CACNG3: variants seen among roughly 807,000 people sequenced by gnomAD.
CACNG3 encodes the protein calcium voltage-gated channel auxiliary subunit gamma 3, also known as voltage-dependent calcium channel gamma-3 subunit.
A neutral mutation model predicts 28.5 loss-of-function variants in CACNG3; 3 were observed. The observed-to-expected ratio is 0.11, with a 90% confidence interval of 0.05 to 0.27. The LOEUF (loss-of-function observed/expected upper bound fraction) is 0.27. Ranked by LOEUF, CACNG3 falls within the 10% of genes least tolerant of loss-of-function variation. CACNG3 has a pLI of 1.00. For synonymous variants in CACNG3, 174 were observed against 162.2 expected (o/e 1.07, Z -0.55); for missense variants, 236 against 414.4 (o/e 0.57, Z 3.74).
chr16:24,334,983 G>T (rs1240624273), intron 1 of CACNG3, among the ~76,000 whole-genome samples: 1 of 152,174 alleles, frequency 6.6e-6, no homozygotes, highest in South Asian at 2.1e-4. Context: ...CCAAAATAGA[G>T]ATAATGATAT....
chr16:24,284,378 CT>C (rs1292783366), intron 1 of CACNG3, among the ~76,000 whole-genome samples: 2 of 152,144 alleles, frequency 1.3e-5, no homozygotes, highest in Admixed American at 6.5e-5. Flanking sequence ...TCTCTCACAT[CT>C]TATTTGCCTA....
intron 1 of CACNG3, among the ~76,000 whole-genome samples, chr16:24,269,746 C>CAAAAAAAAAAAAA (rs1163565728): frequency 2.1e-4 from 15 of 71,058 alleles, no homozygotes; most frequent in Non-Finnish European, 3.4e-4. Flanking sequence ...GACTCCATCT[C>CAAAAAAAAAAAAA]AAAAAAAAAA....
chr16:24,262,759 A>G (rs192539864), intron 1 of CACNG3, among the ~76,000 whole-genome samples: 1 of 152,288 alleles, frequency 6.6e-6, no homozygotes, highest in African/African-American at 2.4e-5. Context: ...CCAATCTTCT[A>G]CCTGACTGTG....
chr16:24,314,506 G>C (rs1381073669), intron 1 of CACNG3, among the ~76,000 whole-genome samples: 1 of 152,156 alleles, frequency 6.6e-6, no homozygotes, highest in African/African-American at 2.4e-5. Flanking sequence ...AGGAAGCCTT[G>C]TGCTCGTGGA....
intron 1 of CACNG3, among the ~76,000 whole-genome samples, chr16:24,326,363 G>A (rs1454790860): frequency 6.6e-6 from 1 of 151,952 alleles, no homozygotes; most frequent in Admixed American, 6.6e-5. Flanking sequence ...TAGAGACAGG[G>A]TTTCTCCATG....
At chr16:24,272,706 A>T (rs1898706318) in intron 1 of CACNG3, among the ~76,000 whole-genome samples, 1 of 152,094 alleles carries the variant, frequency 6.6e-6, no homozygotes, top group African/African-American at 2.4e-5. Flanking sequence ...AATTGAATTT[A>T]TTAGATTTTT....
chr16:24,292,174 G>A (rs1452829448), intron 1 of CACNG3, among the ~76,000 whole-genome samples: 1 of 151,552 alleles, frequency 6.6e-6, no homozygotes, highest in African/African-American at 2.4e-5. Flanking sequence ...GGAAGGGAGG[G>A]ATTTGAATAT....
At chr16:24,342,713 G>A (rs1232299549) in intron 1 of CACNG3, among the ~76,000 whole-genome samples, 1 of 152,146 alleles carries the variant, frequency 6.6e-6, no homozygotes, top group East Asian at 1.9e-4. Flanking sequence ...AAACAAATGG[G>A]CACGATTGTG....
intron 1 of CACNG3, among the ~76,000 whole-genome samples, chr16:24,325,025 C>T (rs935716108): frequency 2.0e-5 from 3 of 152,200 alleles, no homozygotes; most frequent in Admixed American, 6.5e-5. Flanking sequence ...TTGTCCTCCC[C>T]ATCCCCTTTG....
intron 1 of CACNG3, among the ~76,000 whole-genome samples, chr16:24,266,912 C>T (rs545545574): frequency 2.6e-5 from 4 of 151,526 alleles, no homozygotes; most frequent in East Asian, 1.9e-4. Context: ...GAGGATGGGC[C>T]GTGAGAACCC....
chr16:24,291,074 T>C (rs970897419), intron 1 of CACNG3, among the ~76,000 whole-genome samples: 14 of 152,224 alleles, frequency 9.2e-5, no homozygotes, highest in African/African-American at 2.9e-4. Flanking sequence ...TTCACTCTCC[T>C]GGGATGCACA....
intron 1 of CACNG3, among the ~76,000 whole-genome samples, chr16:24,343,548 A>T (rs1435906318): frequency 1.3e-5 from 2 of 152,174 alleles, no homozygotes; most frequent in Non-Finnish European, 2.9e-5. Context: ...GTTAATGGAG[A>T]AGCCACTGGT....
intron 1 of CACNG3, among the ~76,000 whole-genome samples, chr16:24,277,694 C>A (rs781234800): frequency 7.9e-5 from 12 of 150,960 alleles, no homozygotes; most frequent in Admixed American, 5.3e-4. Flanking sequence ...GCAGGAGAAT[C>A]GCTTGAACCC....
chr16:24,340,007 C>A (rs56045524), intron 1 of CACNG3, among the ~76,000 whole-genome samples: 22,213 of 152,150 alleles, frequency 0.15, 1,872 homozygotes, highest in Non-Finnish European at 0.18. Context: ...TGGTGGTTCA[C>A]ACCTGTAATC....
At chr16:24,352,335 C>A (rs1005360235) in intron 2 of CACNG3, among the ~76,000 whole-genome samples, 13 of 152,044 alleles carry the variant, frequency 8.6e-5, no homozygotes, top group Admixed American at 8.5e-4. Context: ...TCCCTAGAGG[C>A]TCCTCCATTC....
intron 1 of CACNG3, among the ~76,000 whole-genome samples, chr16:24,263,117 CTG>C (rs751731799): frequency 1.3e-5 from 2 of 152,104 alleles, no homozygotes; most frequent in Non-Finnish European, 2.9e-5. Context: ...TTGTAGAAAA[CTG>C]AGAAAATGCA....
chr16:24,311,790 A>G (rs1443362978), intron 1 of CACNG3, among the ~76,000 whole-genome samples: 1 of 151,752 alleles, frequency 6.6e-6, no homozygotes, highest in Non-Finnish European at 1.5e-5. Context: ...TGGGAGGTGG[A>G]GGTGAGCCCA....
At chr16:24,276,114 A>G (rs1898750382) in intron 1 of CACNG3, among the ~76,000 whole-genome samples, 2 of 152,386 alleles carry the variant, frequency 1.3e-5, no homozygotes, top group South Asian at 4.1e-4. Context: ...GTCTAACAAC[A>G]GTGGGCAACA....
At chr16:24,321,700 G>A (rs1899461887) in intron 1 of CACNG3, among the ~76,000 whole-genome samples, 1 of 152,158 alleles carries the variant, frequency 6.6e-6, no homozygotes, top group Non-Finnish European at 1.5e-5. Flanking sequence ...AGGTTGCTAA[G>A]ATCTAGGGAA....
Sources: allele counts gnomAD v4.1 joint callset (sites outside exome capture counted in the v4.1 genomes callset), GRCh38; gene constraint gnomAD v4.1.1; transcripts MANE v1.5; gene names NCBI Gene and HGNC (gene_info 2026-07-23, HGNC 2026-07-21).